The following MAEL variants were observed in gnomAD, a reference collection of about 807,000 sequenced individuals.
MAEL encodes the protein maelstrom spermatogenic transposon silencer.
A neutral mutation model predicts 62.0 loss-of-function variants in MAEL; 46 were observed. The ratio of observed to expected loss-of-function variants is 0.74; its 90% CI spans 0.59 to 0.95. The LOEUF (loss-of-function observed/expected upper bound fraction) is 0.95. MAEL is among the 40% of genes least tolerant of loss of function. The pLI is 0.00. For missense variants in MAEL, 497 were observed against 526.8 expected (o/e 0.94, Z 0.55); for synonymous variants, 172 against 175.5 (o/e 0.98, Z 0.16).
At chr1:166,992,607 C>T (rs1664236155) in intron 3 of MAEL, 79 bp from the exon 4 acceptor site, 9 of 1,067,206 alleles carry the variant, frequency 8.4e-6, no homozygotes, top group South Asian at 1.8e-5. Flanking sequence ...CATTTTTTCC[C>T]TTCAACTAAA....
upstream of MAEL, among the ~76,000 whole-genome samples, chr1:166,984,493 A>G (rs756071624): frequency 1.3e-5 from 2 of 152,214 alleles, no homozygotes; most frequent in Non-Finnish European, 2.9e-5. Flanking sequence ...CAACATATAC[A>G]TATTTTGAAA....
At chr1:167,004,331 A>C (rs781409574) in intron 6 of MAEL, 27 bp downstream of exon 6, 2 of 1,564,952 alleles carry the variant, frequency 1.3e-6, no homozygotes, top group East Asian at 4.5e-5. Flanking sequence ...AAGTTCTTTT[A>C]AGGTATCAAT....
chr1:167,014,011 C>G (rs1274360042), intron 8 of MAEL, among the ~76,000 whole-genome samples: 1 of 152,172 alleles, frequency 6.6e-6, no homozygotes, highest in African/African-American at 2.4e-5. Context: ...AAGTCCAGAG[C>G]CTCTCCAGAG....
chr1:167,020,876 G>A (rs1018091409), intron 10 of MAEL, among the ~76,000 whole-genome samples: 4 of 151,842 alleles, frequency 2.6e-5, no homozygotes, highest in Admixed American at 6.6e-5. Context: ...AAAAAAAAAG[G>A]CAAACCCTTT....
At chr1:166,982,013 A>C (rs186628339) in intron 1 of MAEL, among the ~76,000 whole-genome samples, 9 of 152,314 alleles carry the variant, frequency 5.9e-5, no homozygotes, top group Admixed American at 3.3e-4. Flanking sequence ...ACAAGAGCTC[A>C]AGAAGTAACA....
At chr1:167,005,551 A>AATATATCTTAC in intron 8 of MAEL, 154 bp downstream of exon 8, 1 of 639,052 alleles carries the variant, frequency 1.6e-6, no homozygotes. Flanking sequence ...TGATAGTAAG[A>AATATATCTTAC]TATATTGTTA....
At chr1:167,014,726 A>T (rs1665313812) in intron 8 of MAEL, among the ~76,000 whole-genome samples, 1 of 152,208 alleles carries the variant, frequency 6.6e-6, no homozygotes, top group Non-Finnish European at 1.5e-5. Context: ...ATAGTGACTC[A>T]GAGAAATGAA....
chr1:167,010,312 T>C (rs1159683350), intron 8 of MAEL, among the ~76,000 whole-genome samples: 1 of 152,188 alleles, frequency 6.6e-6, no homozygotes, highest in East Asian at 1.9e-4. Context: ...GTCTCAAATA[T>C]TACTTCACAG....
At chr1:167,006,626 TA>T (rs1557982497) in intron 8 of MAEL, among the ~76,000 whole-genome samples, 6 of 105,508 alleles carry the variant, frequency 5.7e-5, no homozygotes, top group African/African-American at 1.7e-4. Flanking sequence ...TATATATATA[TA>T]TATATATATA....
At chr1:166,995,136 A>AT (rs535286518) in intron 5 of MAEL, among the ~76,000 whole-genome samples, 2 of 152,128 alleles carry the variant, frequency 1.3e-5, no homozygotes, top group Non-Finnish European at 2.9e-5. Flanking sequence ...ATTTGGTTGT[A>AT]TATTTTGAAT....
At chr1:166,996,618 G>A (rs941770754) in intron 5 of MAEL, among the ~76,000 whole-genome samples, 1 of 152,176 alleles carries the variant, frequency 6.6e-6, no homozygotes, top group South Asian at 2.1e-4. Context: ...GAAAGTCCCT[G>A]TATCTCTCCC....
intron 4 of MAEL, among the ~76,000 whole-genome samples, chr1:166,993,070 ACTAT>A (rs1324655606): frequency 1.3e-5 from 2 of 152,180 alleles, no homozygotes; most frequent in Non-Finnish European, 2.9e-5. Flanking sequence ...AGATGGATAG[ACTAT>A]CTGAACAATT....
Position 167,022,004 on chromosome 1 carries a change from A to G in MAEL, c.*149A>G, listed in dbSNP as rs965408864. 2.0e-5 allele frequency: 12 copies of G among 595,216 alleles called. No individual in the cohort carries two copies. The highest frequency in any genetic ancestry group is 3.8e-5 in the African/African-American group (2 of 52,486). 36.9% of individuals were successfully genotyped at this position (595,216 alleles called of 1,614,324 possible). ...GAAATTGTTTCATAGATTTAAAAAAATTGTGGTTGGAGAGCATCTTGGCAT... is the reference window on the plus strand; with the variant it reads ...GAAATTGTTTCATAGATTTAAAAAAGTTGTGGTTGGAGAGCATCTTGGCAT... On this transcript the variant is annotated 3_prime_UTR_variant, in exon 12 of 12. Coordinates refer to ENST00000367872, the MANE Select transcript of MAEL (RefSeq NM_032858.3).
At chr1:166,979,761 C>G (rs1663702612) in intron 1 of MAEL, among the ~76,000 whole-genome samples, 1 of 152,178 alleles carries the variant, frequency 6.6e-6, no homozygotes, top group African/African-American at 2.4e-5. Context: ...TTAGGTGATG[C>G]TTTGTGTGCC....
intron 5 of MAEL, among the ~76,000 whole-genome samples, chr1:167,003,077 T>A (rs190095008): frequency 6.6e-6 from 1 of 152,284 alleles, no homozygotes; most frequent in East Asian, 1.9e-4. Flanking sequence ...GTTGAACAAC[T>A]CCTGCATCTC....
chr1:166,984,777 T>C (rs949589075), upstream of MAEL, among the ~76,000 whole-genome samples: 12 of 152,180 alleles, frequency 7.9e-5, no homozygotes, highest in Admixed American at 6.5e-5. Context: ...CTTTTACACA[T>C]ACTGTTCCCT....
chr1:166,981,323 CCTTTT>C (rs1165218315), intron 1 of MAEL, among the ~76,000 whole-genome samples: 2 of 152,220 alleles, frequency 1.3e-5, no homozygotes, highest in Non-Finnish European at 2.9e-5. Context: ...CGTCATCTCT[CCTTTT>C]CTTTTCCCTG....
Position 167,004,322 on chromosome 1 carries a change from AGTT to A in MAEL, c.648+19_648+21del, listed in dbSNP as rs762114772. The stretch of plus-strand genomic sequence containing the variant: ...ACTGCAAGGTAATTTCAGGTTAAGA[AGTT>A]CTTTTAAGGTATCAATTTATAGTAC... On this transcript the variant is annotated intron_variant, in intron 6 of 11. Coordinates refer to ENST00000367872, the MANE Select transcript of MAEL (RefSeq NM_032858.3). 2 of 1,577,270 alleles carry A rather than the reference AGTT, an allele frequency of 1.3e-6. No individual in the cohort carries two copies. The highest frequency in any genetic ancestry group is 4.5e-5 in the East Asian group (2 of 44,380).
At chr1:167,017,725 C>A in intron 9 of MAEL, 102 bp from the exon 10 acceptor site, 1 of 1,077,052 alleles carries the variant, frequency 9.3e-7, no homozygotes, top group Non-Finnish European at 1.3e-6. Flanking sequence ...CAGTTTATAA[C>A]AGTACCTCAG....
Sources: allele counts gnomAD v4.1 joint callset (sites outside exome capture counted in the v4.1 genomes callset), GRCh38; gene constraint gnomAD v4.1.1; transcripts MANE v1.5; gene names NCBI Gene and HGNC (gene_info 2026-07-23, HGNC 2026-07-21).